The following GCC2 variants were observed in gnomAD, a reference collection of about 807,000 sequenced individuals.
The protein encoded by GCC2 is GRIP and coiled-coil domain-containing protein 2.
A neutral mutation model predicts 210.6 loss-of-function variants in GCC2; 120 were observed. The ratio of observed to expected loss-of-function variants is 0.57; its 90% CI spans 0.49 to 0.66. The LOEUF is 0.66. Among genes scored for constraint, GCC2 ranks in the 30% least tolerant of loss-of-function variants. The pLI is 0.00. For synonymous variants in GCC2, 703 were observed against 652.7 expected, an observed-to-expected ratio of 1.08 and a Z score of -1.17; for missense variants, 1,868 against 1,871.9, an observed-to-expected ratio of 1.00 and a Z score of 0.04.
intron 4 of GCC2, among the ~76,000 whole-genome samples, chr2:108,468,647 C>T (rs747063146): frequency 2.0e-5 from 3 of 152,192 alleles, no homozygotes; most frequent in Non-Finnish European, 2.9e-5. Context: ...TGACACCTCC[C>T]TCAACAATAT....
At chr2:108,479,072 G>C (rs1573202473) in intron 9 of GCC2, among the ~76,000 whole-genome samples, 1 of 152,114 alleles carries the variant, frequency 6.6e-6, no homozygotes, top group East Asian at 1.9e-4. Context: ...GCTGAGGTAG[G>C]AGAATTGCTT....
At chr2:108,456,028 A>T (rs1336914963) in intron 4 of GCC2, among the ~76,000 whole-genome samples, 1 of 151,874 alleles carries the variant, frequency 6.6e-6, no homozygotes, top group Non-Finnish European at 1.5e-5. Context: ...TCTGTCGCCC[A>T]GGCTGTAGTG....
chr2:108,472,896 A>G lies in GCC2; in HGVS notation c.2857A>G (p.Ile953Val). Reference sequence around the variant, plus strand: ...TTCAGTAAAAGAGTTGGAAGAAAAAATAGGTAACTATGGTTTTGCAGATGT... The same window carrying G: ...TTCAGTAAAAGAGTTGGAAGAAAAAGTAGGTAACTATGGTTTTGCAGATGT... ...LSSVKELEEK[I>V]ENLEKECKEK... The change falls in exon 7 of 23, where the codon ATA becomes GTA. Residue 953 changes from isoleucine (I) to valine (V), a missense_variant. By Grantham distance (29) the Ile-to-Val change is conservative. Transcript: ENST00000309863. 2 of 1,540,278 alleles carry G rather than the reference A, an allele frequency of 1.3e-6. No individual in the cohort carries two copies. The highest frequency in any genetic ancestry group is 2.7e-5 in the African/African-American group (2 of 73,172).
intron 9 of GCC2, among the ~76,000 whole-genome samples, chr2:108,477,020 CTA>C (rs1411674704): frequency 1.3e-5 from 2 of 152,068 alleles, no homozygotes; most frequent in East Asian, 1.9e-4. Context: ...TATAGGATGA[CTA>C]TTATTTGAAC....
At chr2:108,505,184 A>C (rs910702018) in intron 22 of GCC2, among the ~76,000 whole-genome samples, 9 of 152,358 alleles carry the variant, frequency 5.9e-5, no homozygotes, top group African/African-American at 1.9e-4. Context: ...TCTTATATTC[A>C]GCTTACACCA....
intron 4 of GCC2, among the ~76,000 whole-genome samples, chr2:108,459,745 CTTTTTTTTTTTTTTTTTTTTT>C (rs34052393): frequency 1.5e-4 from 4 of 26,764 alleles, no homozygotes; most frequent in African/African-American, 5.2e-4. Flanking sequence ...CCTTCTTTGT[CTTTTTTTTTTTTTTTTTTTTT>C]TTTTTTTTTT....
intron 4 of GCC2, among the ~76,000 whole-genome samples, chr2:108,454,603 C>T (rs762750698): frequency 1.3e-5 from 2 of 152,158 alleles, no homozygotes; most frequent in Non-Finnish European, 2.9e-5. Context: ...GGAAGAAGGT[C>T]GATAACACCC....
At position 108,452,450 on chromosome 2, in the gene GCC2, C is replaced by G. The variant is rs757686298; in HGVS notation, c.200C>G (p.Thr67Ser). The G allele has an allele frequency of 3.2e-6, 5 of 1,543,310 alleles. No individual in the cohort carries two copies. In the South Asian group the frequency reaches 5.6e-5, roughly 17 times the overall value. Reference sequence around the variant, plus strand: ...AGATCAAAACCTGTTACTGAAGGAACTGGTGATATTATTAAGGTAATTATT... The same window carrying G: ...AGATCAAAACCTGTTACTGAAGGAAGTGGTGATATTATTAAGGTAATTATT... Reference protein sequence around the residue: ...ELRSKPVTEGTGDIIKALTER... With the variant: ...ELRSKPVTEGSGDIIKALTER... Residue 67 changes from threonine (T) to serine (S), a missense_variant, in exon 4 of 23, where the codon ACT becomes AGT. Physicochemically the swap from Thr to Ser is moderately conservative, Grantham distance 58. Transcript: ENST00000309863.
In GCC2 at chr2:108,470,679, A is replaced by G. The variant is rs1478004008; in HGVS notation, c.1350A>G (p.Lys450=). ...AGACATTTTTGTCAGATTCAGAAAA[A>G]GAAAAATTAACATTAATGTTTGAAA... ...LNETFLSDSE[K]EKLTLMFEIQ... is the part of the protein sequence containing the mutation. Residue 450 remains lysine, a synonymous_variant, in exon 6 of 23, where the codon AAA becomes AAG. Transcript: ENST00000309863. 9 of 1,610,682 alleles carry G rather than the reference A, an allele frequency of 5.6e-6. No individual in the cohort carries two copies. The South Asian group carries it at 7.7e-5, about 14-fold the overall frequency.
At chr2:108,498,769 C>G (rs1455055261) in intron 21 of GCC2, among the ~76,000 whole-genome samples, 1 of 151,764 alleles carries the variant, frequency 6.6e-6, no homozygotes, top group African/African-American at 2.4e-5. Flanking sequence ...TGTGTCTGAA[C>G]TTTTGTTTTG....
At chr2:108,482,143 C>A in intron 10 of GCC2, 144 bp from the exon 11 acceptor site, 1 of 578,080 alleles carries the variant, frequency 1.7e-6, no homozygotes, top group Non-Finnish European at 3.0e-6. Context: ...AAAACTGATT[C>A]TTAATATTAT....
At chr2:108,477,020 CTAT>C in intron 9 of GCC2, among the ~76,000 whole-genome samples, 1 of 152,186 alleles carries the variant, frequency 6.6e-6, no homozygotes, top group East Asian at 1.9e-4. Context: ...TATAGGATGA[CTAT>C]TATTTGAACT....
intron 22 of GCC2, among the ~76,000 whole-genome samples, chr2:108,501,000 G>A (rs377015157): frequency 6.6e-6 from 1 of 152,186 alleles, no homozygotes; most frequent in Non-Finnish European, 1.5e-5. Context: ...TTGTTGTCGT[G>A]TTTTTGTTTG....
intron 9 of GCC2, among the ~76,000 whole-genome samples, chr2:108,481,377 G>A (rs947481796): frequency 2.6e-5 from 4 of 152,132 alleles, no homozygotes; most frequent in East Asian, 1.9e-4. Flanking sequence ...TTTATTAAAC[G>A]TTGTATCTAT....
Position 108,449,221 on chromosome 2 carries a change from C to G in GCC2, c.-54C>G. 2 of 1,536,082 alleles carry G rather than the reference C, an allele frequency of 1.3e-6. No individual in the cohort carries two copies. Among genetic ancestry groups the G allele is most frequent in the Non-Finnish European group, 1.8e-6 (2 of 1,134,326 alleles). On this transcript the variant is annotated 5_prime_UTR_variant, in exon 1 of 23. Coordinates refer to ENST00000309863, the MANE Select transcript of GCC2 (RefSeq NM_181453.4). ...AGCCTACGTCAGAGGCTGGCGCAAACAGAAGTGCAGCGGTGGCGGCGGCTG... is the reference window on the plus strand; with the variant it reads ...AGCCTACGTCAGAGGCTGGCGCAAAGAGAAGTGCAGCGGTGGCGGCGGCTG...
At chr2:108,497,252 G>A (rs556009860) in intron 21 of GCC2, 143 bp downstream of exon 21, 198 of 1,334,784 alleles carry the variant, frequency 1.5e-4, no homozygotes, top group Non-Finnish European at 2.0e-4. Context: ...GAGTAGCTGG[G>A]ACTACAGGTG....
chr2:108,484,244 G>C lies in GCC2; in HGVS notation c.3546G>C (p.Lys1182Asn). Residue 1182 changes from lysine (K) to asparagine (N), a missense_variant, in exon 13 of 23, where the codon AAG becomes AAC. Physicochemically the swap from Lys to Asn is moderately conservative, Grantham distance 94 (BLOSUM62 0). Coordinates refer to ENST00000309863, the MANE Select transcript of GCC2 (RefSeq NM_181453.4). ...LNQKLTNKNN[K>N]IEDLEQEIKI... ...AAAAGTTAACTAATAAAAACAACAA[G>C]ATAGAAGATTTGGAGCAAGAAATAA... is the stretch of plus-strand genomic sequence containing the variant. The C allele has an allele frequency of 6.3e-7, 1 of 1,576,268 alleles. No homozygotes were observed. Among genetic ancestry groups the C allele is most frequent in the Non-Finnish European group, 8.6e-7 (1 of 1,158,654 alleles).
At position 108,468,965 on chromosome 2, in the gene GCC2, C is replaced by T. The variant is rs764649776; in HGVS notation, c.217-15C>T. Reference sequence around the variant, plus strand: ...ATTTTTTAACCCCAGGCAAATAAATCTTGTTCTAAAATAGGCATTAACTGA... The same window carrying T: ...ATTTTTTAACCCCAGGCAAATAAATTTTGTTCTAAAATAGGCATTAACTGA... On this transcript the variant is annotated splice_polypyrimidine_tract_variant and intron_variant, in intron 4 of 22. Transcript: ENST00000309863. 17 of 1,555,888 alleles carry T rather than the reference C, an allele frequency of 1.1e-5. No individual in the cohort carries two copies. The highest frequency in any genetic ancestry group is 1.5e-5 in the Non-Finnish European group (17 of 1,127,978).
At position 108,469,833 on chromosome 2, in the gene GCC2, A is replaced by G; in HGVS notation, c.504A>G (p.Glu168=). The G allele has an allele frequency of 1.2e-6, 2 of 1,613,268 alleles. No homozygotes were observed. Among genetic ancestry groups the G allele is most frequent in the Non-Finnish European group, 1.7e-6 (2 of 1,179,590 alleles). ...TGAATACGCAATTAGAACTTTCAGA[A>G]CAACTTAAATTTCAGAACAACTCTG... ...EAMNTQLELS[E]QLKFQNNSED... is the part of the protein sequence containing the mutation. The change falls in exon 6 of 23, where the codon GAA becomes GAG. Residue 168 remains glutamate, a synonymous_variant. Coordinates refer to ENST00000309863, the MANE Select transcript of GCC2 (RefSeq NM_181453.4).
Sources: gnomAD v4.1 joint callset for allele counts (sites outside exome capture counted in the v4.1 genomes callset) on GRCh38, gnomAD v4.1.1 for gene constraint, MANE v1.5 for transcripts, NCBI Gene and HGNC (gene_info 2026-07-23, HGNC 2026-07-21) for gene names.